Variants in GSK3B observed in about 807,000 individuals in gnomAD.
GSK3B encodes glycogen synthase kinase-3 beta.
A neutral mutation model predicts 56.4 loss-of-function variants in GSK3B; 15 were observed. The observed-to-expected ratio is 0.27, with a 90% CI of 0.18 to 0.41. The LOEUF (loss-of-function observed/expected upper bound fraction) is 0.41, where lower values mean the gene tolerates loss of function less well. Among genes scored for constraint, GSK3B ranks in the 10% least tolerant of loss-of-function variants. The pLI is 1.00. For missense variants in GSK3B, 300 were observed against 513.4 expected (o/e 0.58, Z 4.02); for synonymous variants, 181 against 188.9 (o/e 0.96, Z 0.34).
chr3:120,067,801 T>C (rs1458982250), intron 1 of GSK3B, among the ~76,000 whole-genome samples: 1 of 152,028 alleles, frequency 6.6e-6, no homozygotes, highest in Non-Finnish European at 1.5e-5. Flanking sequence ...AATAAATAAA[T>C]GGCAAGGAAG....
chr3:119,921,444 G>A (rs1318684012), intron 4 of GSK3B, among the ~76,000 whole-genome samples: 2 of 152,146 alleles, frequency 1.3e-5, no homozygotes, highest in East Asian at 1.9e-4. Context: ...CCTTCAGAAA[G>A]CACTCAATAC....
chr3:120,078,687 G>C (rs1036197432), intron 1 of GSK3B, among the ~76,000 whole-genome samples: 3 of 151,542 alleles, frequency 2.0e-5, no homozygotes, highest in African/African-American at 7.3e-5. Flanking sequence ...CGTGTAGCTG[G>C]GATTACAAGC....
chr3:119,992,096 T>A (rs963398278), intron 2 of GSK3B, among the ~76,000 whole-genome samples: 4 of 152,086 alleles, frequency 2.6e-5, no homozygotes, highest in African/African-American at 9.6e-5. Context: ...ACACTTTTTT[T>A]ATAAAGTTAG....
At chr3:120,022,232 A>G (rs2057885168) in intron 1 of GSK3B, among the ~76,000 whole-genome samples, 1 of 152,222 alleles carries the variant, frequency 6.6e-6, no homozygotes, top group Non-Finnish European at 1.5e-5. Context: ...AAAGATGACT[A>G]TTCGCTGAAG....
At chr3:120,006,041 G>C (rs2057724549) in intron 1 of GSK3B, among the ~76,000 whole-genome samples, 1 of 152,010 alleles carries the variant, frequency 6.6e-6, no homozygotes, top group African/African-American at 2.4e-5. Flanking sequence ...CATCTCACGT[G>C]CAAAGACACA....
chr3:119,994,405 A>G (rs1203086418), intron 2 of GSK3B, among the ~76,000 whole-genome samples: 1 of 152,200 alleles, frequency 6.6e-6, no homozygotes, highest in East Asian at 1.9e-4. Flanking sequence ...TGATTCTAAC[A>G]AAAACTCATT....
chr3:119,908,545 C>G (rs2056704988), intron 6 of GSK3B, among the ~76,000 whole-genome samples: 1 of 152,194 alleles, frequency 6.6e-6, no homozygotes, highest in Non-Finnish European at 1.5e-5. Flanking sequence ...ACCTGACACT[C>G]AAACCCAGGT....
At chr3:119,905,641 T>C (rs2056675292) in intron 7 of GSK3B, 114 bp downstream of exon 7, 3 of 701,618 alleles carry the variant, frequency 4.3e-6, no homozygotes, top group Non-Finnish European at 5.1e-6. Flanking sequence ...CTACGTGACC[T>C]TGGATTGCTT....
At chr3:119,965,214 G>T (rs983210653) in intron 2 of GSK3B, among the ~76,000 whole-genome samples, 1 of 149,220 alleles carries the variant, frequency 6.7e-6, no homozygotes, top group African/African-American at 2.5e-5. Context: ...CACCAAGTCC[G>T]ACTAATTTTT....
chr3:119,968,696 T>C (rs1262347160), intron 2 of GSK3B, among the ~76,000 whole-genome samples: 2 of 152,086 alleles, frequency 1.3e-5, no homozygotes, highest in Non-Finnish European at 2.9e-5. Context: ...TTGTGTAAGA[T>C]GCAATATGCC....
At chr3:119,880,151 T>C (rs2056364005) in intron 7 of GSK3B, among the ~76,000 whole-genome samples, 1 of 152,216 alleles carries the variant, frequency 6.6e-6, no homozygotes, top group African/African-American at 2.4e-5. Flanking sequence ...GTCATTTAGA[T>C]AAAAGCCATT....
At chr3:119,885,504 T>C (rs994613048) in intron 7 of GSK3B, among the ~76,000 whole-genome samples, 6 of 152,018 alleles carry the variant, frequency 3.9e-5, no homozygotes, top group Non-Finnish European at 7.4e-5. Context: ...TTTCATGCTA[T>C]TCCTATCGAA....
rs372395646 is a variant in GSK3B at position 119,864,240 on chromosome 3, G to A, written c.910-635C>T. Reference sequence around the variant, plus strand: ...CCCCCACTTGAATGAATATTCCAGGGTTTTAATCAAGGAGAAAAAAATGTA... The same window carrying A: ...CCCCCACTTGAATGAATATTCCAGGATTTTAATCAAGGAGAAAAAAATGTA... On this transcript the variant is annotated intron_variant, in intron 8 of 10. Coordinates refer to ENST00000264235, the MANE Select transcript of GSK3B (RefSeq NM_001146156.2). Among the ~76,000 whole-genome samples, 85 of 152,144 alleles carry A rather than the reference G, an allele frequency of 5.6e-4. 1 individual carries two copies. In the South Asian group the frequency reaches 0.017, roughly 31 times the overall value.
chr3:120,031,120 G>A (rs757379732), intron 1 of GSK3B, among the ~76,000 whole-genome samples: 114 of 152,210 alleles, frequency 7.5e-4, no homozygotes, highest in Non-Finnish European at 3.4e-4. Flanking sequence ...AAATTACATG[G>A]ACCAAAGTGC....
chr3:119,853,411 T>C (rs145720524), intron 9 of GSK3B, among the ~76,000 whole-genome samples: 2,578 of 152,332 alleles, frequency 0.017, 129 homozygotes, highest in Admixed American at 0.11. Flanking sequence ...CGGGCTCTTT[T>C]TTGGTTCCAT....
At chr3:120,073,148 A>G (rs1322406903) in intron 1 of GSK3B, among the ~76,000 whole-genome samples, 1 of 149,854 alleles carries the variant, frequency 6.7e-6, no homozygotes, top group Non-Finnish European at 1.5e-5. Context: ...GCACTCTGAG[A>G]GGACAAGGCA....
chr3:119,947,107 TG>T, intron 3 of GSK3B, among the ~76,000 whole-genome samples, 160 bp downstream of exon 3: 1 of 152,320 alleles, frequency 6.6e-6, no homozygotes, highest in East Asian at 1.9e-4. Context: ...ATATAACTAA[TG>T]ATATCAATGA....
At chr3:120,063,272 C>G (rs1332634880) in intron 1 of GSK3B, among the ~76,000 whole-genome samples, 1 of 152,140 alleles carries the variant, frequency 6.6e-6, no homozygotes, top group Non-Finnish European at 1.5e-5. Flanking sequence ...ATGTGCACTT[C>G]TATACTGTTT....
At chr3:120,036,705 A>G (rs1053451459) in intron 1 of GSK3B, among the ~76,000 whole-genome samples, 2 of 143,300 alleles carry the variant, frequency 1.4e-5, no homozygotes, top group African/African-American at 5.3e-5. Context: ...AGGCAAGAGA[A>G]TTGCTTGAAC....
Sources: gnomAD v4.1 joint callset for allele counts (sites outside exome capture counted in the v4.1 genomes callset) on GRCh38, gnomAD v4.1.1 for gene constraint, MANE v1.5 for transcripts, NCBI Gene and HGNC (gene_info 2026-07-23, HGNC 2026-07-21) for gene names.